SLCO1A2: variants seen among roughly 807,000 people sequenced by gnomAD.
The protein encoded by SLCO1A2 is solute carrier organic anion transporter family member 1A2, also known as OATP-1.
Under a neutral mutation model 69.0 loss-of-function variants are expected in SLCO1A2, and 67 were observed. The observed-to-expected ratio is 0.97, with a 90% confidence interval of 0.80 to 1.19. SLCO1A2 has a LOEUF of 1.19. Among genes scored for constraint, SLCO1A2 ranks in the 50% most tolerant of loss-of-function variants. The pLI is 0.00. For synonymous variants in SLCO1A2, 260 were observed against 265.9 expected, an observed-to-expected ratio of 0.98 and a Z score of 0.22; for missense variants, 787 against 793.7, an observed-to-expected ratio of 0.99 and a Z score of 0.10.
At chr12:21,407,848 G>C (rs948848495) in intron 1 of SLCO1A2, among the ~76,000 whole-genome samples, 1 of 151,250 alleles carries the variant, frequency 6.6e-6, no homozygotes, top group Non-Finnish European at 1.5e-5. Flanking sequence ...GCCTTTGGCT[G>C]CTCTGTGGAG....
At chr12:21,332,258 A>G (rs1952663733) in intron 2 of SLCO1A2, among the ~76,000 whole-genome samples, 1 of 152,142 alleles carries the variant, frequency 6.6e-6, no homozygotes, top group African/African-American at 2.4e-5. Flanking sequence ...GATAACTCAA[A>G]GCAGGAACTT....
chr12:21,337,257 C>T (rs1220918044), upstream of SLCO1A2, among the ~76,000 whole-genome samples: 1 of 151,952 alleles, frequency 6.6e-6, no homozygotes, highest in Non-Finnish European at 1.5e-5. Context: ...CTTCCAGCCC[C>T]TAATGATGTG....
At chr12:21,396,743 C>T (rs1201676259), upstream of SLCO1A2, among the ~76,000 whole-genome samples, 1 of 152,068 alleles carries the variant, frequency 6.6e-6, no homozygotes, top group Non-Finnish European at 1.5e-5. Context: ...AAAGAATTTT[C>T]AACCCAGAAT....
At chr12:21,378,803 G>A (rs1328157575) in intron 1 of SLCO1A2, 3 of 184,062 alleles carry the variant, frequency 1.6e-5, no homozygotes, top group East Asian at 1.4e-4. Flanking sequence ...TGGACCAGGC[G>A]CGGTGGCTCT....
intron 1 of SLCO1A2, among the ~76,000 whole-genome samples, chr12:21,384,415 T>C (rs1940763218): frequency 6.6e-6 from 1 of 152,110 alleles, no homozygotes; most frequent in South Asian, 2.1e-4. Context: ...ACGAAATGCT[T>C]AAAGAACCAT....
chr12:21,323,813 T>C (rs1270569725), intron 2 of SLCO1A2, among the ~76,000 whole-genome samples: 4 of 152,200 alleles, frequency 2.6e-5, no homozygotes, highest in African/African-American at 9.6e-5. Context: ...TTAGGCATCG[T>C]GTACCCATCC....
chr12:21,274,724 A>AATG, intron 13 of SLCO1A2, 138 bp from the exon 14 acceptor site: 1 of 733,470 alleles, frequency 1.4e-6, no homozygotes, highest in East Asian at 2.7e-5. Flanking sequence ...TATTTTTAGA[A>AATG]ATGATGAGTT....
chr12:21,375,024 C>T (rs1246650452), intron 1 of SLCO1A2, among the ~76,000 whole-genome samples: 1 of 152,210 alleles, frequency 6.6e-6, no homozygotes, highest in South Asian at 2.1e-4. Flanking sequence ...CCCTATGATG[C>T]CCAGGCTGGT....
intron 9 of SLCO1A2, among the ~76,000 whole-genome samples, chr12:21,296,197 A>ATCC (rs1006814079): frequency 7.2e-5 from 11 of 152,122 alleles, no homozygotes; most frequent in Admixed American, 2.6e-4. Flanking sequence ...TCAGTTACCT[A>ATCC]TCCTCACTTT....
exon 2 of SLCO1A2, chr12:21,374,476 G>C (rs972643928): frequency 8.6e-5 from 13 of 152,034 alleles, no homozygotes; most frequent in African/African-American, 2.9e-4. Flanking sequence ...TTTCCTTCGA[G>C]GTAGTTTTTC....
At position 21,265,464 on chromosome 12, in the gene SLCO1A2, G is replaced by A. The variant is rs71446763; in HGVS notation, c.*4084C>T. ...TGCTCACTGTGTTTGGGTCACAGGG[G>A]ATGCCTTCTGAAGGAGCCCTCTGCA... is the stretch of plus-strand genomic sequence containing the variant. On this transcript the variant is annotated 3_prime_UTR_variant, in exon 15 of 15. Coordinates refer to ENST00000683939, the MANE Select transcript of SLCO1A2 (RefSeq NM_001386879.1). The A allele has an allele frequency of 0.11, 16,016 of 152,246 alleles. 985 individuals are homozygous for A. The highest frequency in any genetic ancestry group is 0.13 in the Non-Finnish European group (9,002 of 68,052). The allele number at this position is 152,246 out of a possible 1,614,324, so 9.4% of individuals were successfully genotyped here. A position where few individuals can be genotyped will look rare whatever the true frequency, so the allele number is the denominator to read the frequency against.
chr12:21,419,514 G>C (rs1033053660), upstream of SLCO1A2: 3 of 153,330 alleles, frequency 2.0e-5, no homozygotes, highest in African/African-American at 7.2e-5. Context: ...TTTCTGACGG[G>C]CTTAAAAAAT....
At chr12:21,408,612 A>G (rs1941859875) in intron 1 of SLCO1A2, among the ~76,000 whole-genome samples, 2 of 152,174 alleles carry the variant, frequency 1.3e-5, no homozygotes, top group African/African-American at 4.8e-5. Context: ...ACTCAGTATC[A>G]TGTTGAAGAT....
chr12:21,411,851 T>C (rs1941912188), intron 1 of SLCO1A2, among the ~76,000 whole-genome samples: 1 of 151,906 alleles, frequency 6.6e-6, no homozygotes, highest in African/African-American at 2.4e-5. Flanking sequence ...GCCCAGCTAA[T>C]TTTTTGCATT....
chr12:21,382,709 C>T (rs556615119), intron 1 of SLCO1A2, among the ~76,000 whole-genome samples: 27 of 149,126 alleles, frequency 1.8e-4, no homozygotes, highest in Non-Finnish European at 3.6e-4. Context: ...ACGGGAGAGT[C>T]GCTTGAACCT....
intron 1 of SLCO1A2, among the ~76,000 whole-genome samples, chr12:21,386,009 T>G (rs1172121957): frequency 6.6e-6 from 1 of 152,226 alleles, no homozygotes; most frequent in African/African-American, 2.4e-5. Context: ...GATTTCAAGT[T>G]TATGATTATT....
intron 1 of SLCO1A2, among the ~76,000 whole-genome samples, chr12:21,375,606 G>A (rs1161125549): frequency 6.6e-6 from 1 of 152,116 alleles, no homozygotes; most frequent in African/African-American, 2.4e-5. Context: ...TCAAAGGATA[G>A]TTAAAAATAT....
intron 1 of SLCO1A2, among the ~76,000 whole-genome samples, chr12:21,402,079 A>T (rs961262842): frequency 3.3e-5 from 5 of 151,252 alleles, no homozygotes; most frequent in Admixed American, 6.6e-5. Flanking sequence ...TAAAATGTAA[A>T]AATTATGTGA....
At chr12:21,313,976 A>G (rs1591831153) in intron 4 of SLCO1A2, among the ~76,000 whole-genome samples, 1 of 103,084 alleles carries the variant, frequency 9.7e-6, no homozygotes, top group East Asian at 2.7e-4. Context: ...AAATAATAAT[A>G]AATAATAAAA....
Sources: allele counts gnomAD v4.1 joint callset (sites outside exome capture counted in the v4.1 genomes callset), GRCh38; gene constraint gnomAD v4.1.1; transcripts MANE v1.5; gene names NCBI Gene and HGNC (gene_info 2026-07-23, HGNC 2026-07-21).